GRIN2B: variants seen among roughly 807,000 people sequenced by gnomAD.
The protein encoded by GRIN2B is glutamate ionotropic receptor NMDA type subunit 2B.
A neutral mutation model predicts 114.5 loss-of-function variants in GRIN2B; 5 were observed. The ratio of observed to expected loss-of-function variants is 0.04; its 90% CI spans 0.02 to 0.09. The LOEUF is 0.09. Ranked by LOEUF, GRIN2B falls within the 10% of genes least tolerant of loss-of-function variation. The pLI is 1.00. For synonymous variants in GRIN2B, 787 were observed against 745.1 expected (o/e 1.06, Z -0.92); for missense variants, 1,108 against 1,943.5 (o/e 0.57, Z 8.08).
chr12:13,936,509 G>T (rs987479050), intron 2 of GRIN2B, among the ~76,000 whole-genome samples: 1 of 152,166 alleles, frequency 6.6e-6, no homozygotes, highest in Non-Finnish European at 1.5e-5. Flanking sequence ...GTTTTCCACA[G>T]ATATGTAATA....
chr12:13,760,412 A>G (rs2136636190), intron 3 of GRIN2B, among the ~76,000 whole-genome samples: 1 of 152,258 alleles, frequency 6.6e-6, no homozygotes, highest in South Asian at 2.1e-4. Flanking sequence ...CTGTGATTAT[A>G]TTTTTCCAGC....
chr12:13,877,995 C>T (rs977548163), intron 2 of GRIN2B, among the ~76,000 whole-genome samples: 36 of 135,040 alleles, frequency 2.7e-4, no homozygotes, highest in African/African-American at 9.6e-4. Context: ...ACCTGGGAGG[C>T]GGAGGTTCCA....
At chr12:13,638,791 G>C (rs887645103) in intron 5 of GRIN2B, among the ~76,000 whole-genome samples, 1 of 151,974 alleles carries the variant, frequency 6.6e-6, no homozygotes, top group East Asian at 1.9e-4. Context: ...GTGTATTCCT[G>C]GTGACCTCAG....
intron 3 of GRIN2B, among the ~76,000 whole-genome samples, chr12:13,780,006 T>A (rs1864077506): frequency 6.6e-6 from 1 of 152,250 alleles, no homozygotes; most frequent in African/African-American, 2.4e-5. Flanking sequence ...CTATCCATTG[T>A]TCCAACTTTT....
chr12:13,843,012 T>C (rs1865407608), intron 3 of GRIN2B, among the ~76,000 whole-genome samples: 3 of 140,118 alleles, frequency 2.1e-5, no homozygotes, highest in Non-Finnish European at 4.6e-5. Context: ...AATTTTTACT[T>C]TTTAAAATTT....
chr12:13,874,956 A>G (rs1865972070), intron 2 of GRIN2B, among the ~76,000 whole-genome samples: 1 of 152,146 alleles, frequency 6.6e-6, no homozygotes, highest in Non-Finnish European at 1.5e-5. Context: ...GAGATTTAAA[A>G]GTAGGAGTTA....
At chr12:13,805,317 C>A (rs1216676510) in intron 3 of GRIN2B, among the ~76,000 whole-genome samples, 1 of 152,078 alleles carries the variant, frequency 6.6e-6, no homozygotes, top group East Asian at 1.9e-4. Flanking sequence ...TATTTCCTAG[C>A]AGAAACCAGA....
intron 5 of GRIN2B, among the ~76,000 whole-genome samples, chr12:13,662,093 C>T (rs1949929911): frequency 6.6e-6 from 1 of 152,118 alleles, no homozygotes; most frequent in Non-Finnish European, 1.5e-5. Flanking sequence ...AGGTAACTCA[C>T]TAAATGCAGT....
intron 5 of GRIN2B, among the ~76,000 whole-genome samples, chr12:13,659,762 A>G (rs1256618387): frequency 6.6e-6 from 1 of 152,190 alleles, no homozygotes; most frequent in East Asian, 1.9e-4. Context: ...CTATCAATAA[A>G]ATCATGTTCT....
chr12:13,650,205 T>A (rs1196185003), intron 5 of GRIN2B, among the ~76,000 whole-genome samples: 1 of 151,984 alleles, frequency 6.6e-6, no homozygotes, highest in Non-Finnish European at 1.5e-5. Context: ...TTTCACTCCT[T>A]CCTCTCCTCC....
intron 10 of GRIN2B, among the ~76,000 whole-genome samples, chr12:13,581,190 G>A (rs934039365): frequency 6.6e-6 from 1 of 152,168 alleles, no homozygotes; most frequent in African/African-American, 2.4e-5. Context: ...GGAGGGATGA[G>A]TCATATGCCC....
chr12:13,631,816 T>C (rs4764021), intron 5 of GRIN2B, among the ~76,000 whole-genome samples: 146,592 of 152,318 alleles, frequency 0.96, 70,770 homozygotes, highest in East Asian at 1. Context: ...TAAATGGGGT[T>C]GCCAGCTTGT....
intron 3 of GRIN2B, among the ~76,000 whole-genome samples, chr12:13,818,923 A>G (rs183560291): frequency 3.9e-5 from 6 of 152,334 alleles, no homozygotes; most frequent in Non-Finnish European, 7.3e-5. Flanking sequence ...CTCTACAGCC[A>G]CATAACCTCG....
chr12:13,909,883 TC>T (rs1414745281), intron 2 of GRIN2B, among the ~76,000 whole-genome samples: 2 of 152,180 alleles, frequency 1.3e-5, no homozygotes, highest in Non-Finnish European at 2.9e-5. Flanking sequence ...TTGTAAAAGT[TC>T]TTGTTTCTAA....
chr12:13,771,410 A>G (rs1430867444), intron 3 of GRIN2B, among the ~76,000 whole-genome samples: 1 of 152,240 alleles, frequency 6.6e-6, no homozygotes, highest in Admixed American at 6.5e-5. Flanking sequence ...ACAGTTTTAC[A>G]AAGAAAGATT....
chr12:13,979,143 A>G (rs1429805648), intron 2 of GRIN2B, among the ~76,000 whole-genome samples: 1 of 152,224 alleles, frequency 6.6e-6, no homozygotes, highest in Non-Finnish European at 1.5e-5. Flanking sequence ...ATGTGTGGGT[A>G]TAAATAGATA....
At chr12:13,914,542 C>T (rs184848421) in intron 2 of GRIN2B, among the ~76,000 whole-genome samples, 5 of 152,234 alleles carry the variant, frequency 3.3e-5, no homozygotes, top group East Asian at 1.9e-4. Flanking sequence ...TACAGAACTA[C>T]CACATGACCC....
At chr12:13,621,462 T>C (rs1949512530) in intron 5 of GRIN2B, among the ~76,000 whole-genome samples, 1 of 152,236 alleles carries the variant, frequency 6.6e-6, no homozygotes, top group Admixed American at 6.5e-5. Context: ...CAGAATTCCT[T>C]TGAGGTAACT....
intron 5 of GRIN2B, among the ~76,000 whole-genome samples, chr12:13,629,670 T>C (rs536136302): frequency 2.0e-5 from 3 of 152,248 alleles, no homozygotes; most frequent in South Asian, 2.1e-4. Context: ...TTCTTTACTT[T>C]TCTCTCCCTC....
Sources: gnomAD v4.1 joint callset for allele counts (sites outside exome capture counted in the v4.1 genomes callset) on GRCh38, gnomAD v4.1.1 for gene constraint, MANE v1.5 for transcripts, NCBI Gene and HGNC (gene_info 2026-07-23, HGNC 2026-07-21) for gene names.